ADAMTS19: variants seen among roughly 807,000 people sequenced by gnomAD.
ADAMTS19 encodes the protein A disintegrin and metalloproteinase with thrombospondin motifs 19.
A neutral mutation model predicts 153.3 loss-of-function variants in ADAMTS19; 93 were observed. That is an observed-to-expected ratio of 0.61 (90% CI 0.51 to 0.72). The LOEUF (loss-of-function observed/expected upper bound fraction) is 0.72, where lower values mean the gene tolerates loss of function less well. Ranked by LOEUF, ADAMTS19 falls within the 30% of genes least tolerant of loss-of-function variation. The pLI is 0.00. For synonymous variants in ADAMTS19, 600 were observed against 556.6 expected, an observed-to-expected ratio of 1.08 and a Z score of -1.10; for missense variants, 1,482 against 1,552.1, an observed-to-expected ratio of 0.95 and a Z score of 0.76.
chr5:129,480,198 C>T (rs1384016256), intron 2 of ADAMTS19, among the ~76,000 whole-genome samples: 1 of 152,112 alleles, frequency 6.6e-6, no homozygotes, highest in East Asian at 1.9e-4. Context: ...TGGAGGAATT[C>T]TAGTCCTTGA....
chr5:129,646,024 G>A (rs1753050741), intron 11 of ADAMTS19, among the ~76,000 whole-genome samples: 2 of 147,710 alleles, frequency 1.4e-5, no homozygotes, highest in Admixed American at 1.4e-4. Flanking sequence ...AAGTAGCTGG[G>A]ACTACAGGCG....
At chr5:129,571,830 T>C (rs978240479) in intron 7 of ADAMTS19, among the ~76,000 whole-genome samples, 6 of 151,268 alleles carry the variant, frequency 4.0e-5, no homozygotes, top group African/African-American at 1.5e-4. Context: ...TGGACCAAAA[T>C]AGAGATTCCA....
chr5:129,671,237 C>CAG (rs1754286810), intron 16 of ADAMTS19, among the ~76,000 whole-genome samples: 1 of 152,016 alleles, frequency 6.6e-6, no homozygotes, highest in African/African-American at 2.4e-5. Context: ...CAGTAGCTTC[C>CAG]AGAGACATTG....
chr5:129,460,877 C>T (rs1221977483), intron 1 of ADAMTS19, among the ~76,000 whole-genome samples: 1 of 151,838 alleles, frequency 6.6e-6, no homozygotes, highest in African/African-American at 2.4e-5. Context: ...AACTTTGATT[C>T]CCCCTCCCCC....
At chr5:129,572,986 A>G (rs940003570) in intron 7 of ADAMTS19, among the ~76,000 whole-genome samples, 2 of 152,106 alleles carry the variant, frequency 1.3e-5, no homozygotes, top group Non-Finnish European at 2.9e-5. Flanking sequence ...TGCTTTTAGC[A>G]TTACAACTGT....
rs145142068 is a variant in ADAMTS19 at position 129,737,914 on chromosome 5, C to T, written c.*696C>T. 1.3e-5 allele frequency: 2 copies of T among 152,582 alleles called. No individual in the cohort carries two copies. The highest frequency in any genetic ancestry group is 3.9e-4 in the East Asian group (2 of 5,158). 9.5% of individuals were successfully genotyped at this position (152,582 alleles called of 1,614,324 possible). A position where few individuals can be genotyped will look rare whatever the true frequency, so the allele number is the denominator to read the frequency against. ...TGATTTACACTGAATCACAATTGCACTGTTGATATAGTGTAGAGAAATCGT... is the reference window on the plus strand; with the variant it reads ...TGATTTACACTGAATCACAATTGCATTGTTGATATAGTGTAGAGAAATCGT... On this transcript the variant is annotated 3_prime_UTR_variant, in exon 23 of 23. Transcript: ENST00000274487.
chr5:129,705,434 C>A (rs1322108967), intron 21 of ADAMTS19, among the ~76,000 whole-genome samples: 1 of 152,162 alleles, frequency 6.6e-6, no homozygotes, highest in Non-Finnish European at 1.5e-5. Context: ...GCTATTTTCT[C>A]ATGATTATGT....
chr5:129,620,904 C>T (rs1348354036), intron 9 of ADAMTS19, 146 bp downstream of exon 9: 5 of 751,502 alleles, frequency 6.7e-6, no homozygotes, highest in South Asian at 3.0e-5. Context: ...TTTCCATTAA[C>T]TCATGGTGTA....
intron 2 of ADAMTS19, among the ~76,000 whole-genome samples, chr5:129,475,975 A>G (rs1750210824): frequency 6.6e-6 from 1 of 152,236 alleles, no homozygotes; most frequent in Non-Finnish European, 1.5e-5. Flanking sequence ...GTTTTCTGAA[A>G]TTCCATTTTG....
At chr5:129,624,299 GTCTCCGGTACC>G (rs1751925433) in intron 10 of ADAMTS19, among the ~76,000 whole-genome samples, 1 of 152,088 alleles carries the variant, frequency 6.6e-6, no homozygotes, top group Non-Finnish European at 1.5e-5. Context: ...TGTAAGGTCT[GTCTCCGGTACC>G]TCTCTGACCT....
At chr5:129,679,486 C>T (rs1754702062) in intron 16 of ADAMTS19, among the ~76,000 whole-genome samples, 2 of 151,878 alleles carry the variant, frequency 1.3e-5, no homozygotes, top group Admixed American at 6.6e-5. Context: ...GATTAAGGAC[C>T]AAAATAAGGA....
At chr5:129,688,985 T>C (rs1489646332) in intron 18 of ADAMTS19, among the ~76,000 whole-genome samples, 3 of 152,316 alleles carry the variant, frequency 2.0e-5, no homozygotes, top group Middle Eastern at 3.4e-3. Context: ...AGAGGCATTA[T>C]AAATATATTA....
chr5:129,715,210 A>T (rs1478903329), intron 21 of ADAMTS19, among the ~76,000 whole-genome samples: 1 of 152,148 alleles, frequency 6.6e-6, no homozygotes, highest in African/African-American at 2.4e-5. Context: ...ATTACTTTTA[A>T]TTTTATAAAA....
chr5:129,737,163 G>A lies in ADAMTS19; in HGVS notation c.3587G>A (p.Arg1196His), dbSNP rs2127232188. 2 of 1,611,108 alleles carry A rather than the reference G, an allele frequency of 1.2e-6. No homozygotes were observed. Among genetic ancestry groups the A allele is most frequent in the Non-Finnish European group, 1.7e-6 (2 of 1,178,076 alleles). ...TGTCAGGACATGCGGTGGTATCAGC[G>A]CTGCTGTGAAACATGCAGGGACTTC... ...NLCQDMRWYQ[R>H]CCETCRDFYA... Residue 1196 changes from arginine (R) to histidine (H), a missense_variant, in exon 23 of 23, where the codon CGC (arginine) becomes CAC (histidine). By Grantham distance (29) the Arg-to-His change is conservative. Coordinates refer to ENST00000274487, the MANE Select transcript of ADAMTS19 (RefSeq NM_133638.6).
chr5:129,656,201 T>C (rs1753541569), intron 14 of ADAMTS19, among the ~76,000 whole-genome samples: 1 of 152,234 alleles, frequency 6.6e-6, no homozygotes, highest in South Asian at 2.1e-4. Context: ...AAATGCTATG[T>C]GGACCTGATG....
intron 21 of ADAMTS19, among the ~76,000 whole-genome samples, chr5:129,710,129 T>C (rs891765006): frequency 2.0e-5 from 3 of 152,098 alleles, no homozygotes; most frequent in African/African-American, 7.2e-5. Flanking sequence ...TTCCTCCCCC[T>C]GCCTCACCAA....
intron 7 of ADAMTS19, among the ~76,000 whole-genome samples, chr5:129,588,297 A>G (rs1749920613): frequency 6.6e-6 from 1 of 152,132 alleles, no homozygotes; most frequent in Non-Finnish European, 1.5e-5. Flanking sequence ...TTTTATTGCA[A>G]TGCAGTCAGA....
chr5:129,661,421 G>C (rs1348360228), intron 15 of ADAMTS19, among the ~76,000 whole-genome samples: 1 of 152,244 alleles, frequency 6.6e-6, no homozygotes, highest in East Asian at 1.9e-4. Flanking sequence ...CAGGAATATT[G>C]TATTTATTTC....
intron 7 of ADAMTS19, among the ~76,000 whole-genome samples, chr5:129,576,671 G>C (rs141434087): frequency 2.8e-4 from 42 of 151,828 alleles, no homozygotes; most frequent in African/African-American, 8.9e-4. Flanking sequence ...GAGCTGGGAG[G>C]GGGACTTTGT....
Sources: allele counts gnomAD v4.1 joint callset (sites outside exome capture counted in the v4.1 genomes callset), GRCh38; gene constraint gnomAD v4.1.1; transcripts MANE v1.5; gene names NCBI Gene and HGNC (gene_info 2026-07-23, HGNC 2026-07-21).